The following PARD3 variants were observed in gnomAD, a reference collection of about 807,000 sequenced individuals.
PARD3 encodes the protein partitioning defective 3 homolog.
PARD3 carries 75 observed loss-of-function variants against 155.4 expected under a neutral mutation model. The observed-to-expected ratio is 0.48, with a 90% confidence interval of 0.40 to 0.58. The LOEUF is 0.58. PARD3 is among the 20% of genes least tolerant of loss of function. PARD3 has a pLI of 0.00. For synonymous variants in PARD3, 576 were observed against 610.5 expected (o/e 0.94, Z 0.83); for missense variants, 1,642 against 1,721.7 (o/e 0.95, Z 0.82).
intron 2 of PARD3, among the ~76,000 whole-genome samples, chr10:34,603,925 T>C (rs1456760590): frequency 6.6e-6 from 1 of 151,992 alleles, no homozygotes; most frequent in Non-Finnish European, 1.5e-5. Flanking sequence ...CATAACCAGA[T>C]CCTGGAGTAA....
chr10:34,725,133 G>A (rs936416277), intron 1 of PARD3, among the ~76,000 whole-genome samples: 1 of 126,218 alleles, frequency 7.9e-6, no homozygotes, highest in Admixed American at 8.5e-5. Context: ...GTGTGTGTGT[G>A]TGTGTGTGTG....
intron 22 of PARD3, among the ~76,000 whole-genome samples, chr10:34,151,603 C>T (rs1049938109): frequency 3.3e-5 from 5 of 152,172 alleles, no homozygotes; most frequent in African/African-American, 1.2e-4. Flanking sequence ...ATAAACGACA[C>T]ATTGTTCACA....
intron 22 of PARD3, among the ~76,000 whole-genome samples, chr10:34,197,089 C>A (rs903217351): frequency 1.3e-5 from 2 of 152,138 alleles, no homozygotes; most frequent in Non-Finnish European, 2.9e-5. Flanking sequence ...CAGCTCAAAA[C>A]CAAGTTAAAT....
In PARD3 at chr10:34,131,601, C is replaced by T. The variant is rs2132776726; in HGVS notation, c.3420-18G>A. ...ATCTGTTACTGAAAGAGAGATGAGG[C>T]AGCAGTGAATACCCTTCAGAAATAT... On this transcript the variant is annotated intron_variant, in intron 22 of 24. Coordinates refer to ENST00000374788, the MANE Select transcript of PARD3 (RefSeq NM_001184785.2). The T allele has an allele frequency of 6.2e-7, 1 of 1,612,334 alleles. No homozygotes were observed. The highest frequency in any genetic ancestry group is 2.2e-5 in the East Asian group (1 of 44,846).
chr10:34,687,988 C>T (rs769403961), intron 2 of PARD3, among the ~76,000 whole-genome samples: 6 of 149,680 alleles, frequency 4.0e-5, no homozygotes, highest in Non-Finnish European at 8.9e-5. Flanking sequence ...TTGAGTAGCT[C>T]AGACTACAGG....
chr10:34,514,497 C>T (rs1223261892), intron 3 of PARD3, among the ~76,000 whole-genome samples: 3 of 152,174 alleles, frequency 2.0e-5, no homozygotes, highest in African/African-American at 7.2e-5. Context: ...TGACAGGTGA[C>T]TCATGTGTGA....
At chr10:34,312,198 A>C in intron 20 of PARD3, 1 of 1,393,386 alleles carries the variant, frequency 7.2e-7, no homozygotes, top group Non-Finnish European at 9.7e-7. Context: ...TGGATTAATA[A>C]GGAAATTACT....
rs147075268 is a variant in PARD3, at chr10:34,143,241, G to T, written c.3420-11658C>A. Among the ~76,000 whole-genome samples, 847 of 152,264 alleles carry T rather than the reference G, an allele frequency of 5.6e-3. 7 individuals carry two copies. The highest frequency in any genetic ancestry group is 0.019 in the African/African-American group (775 of 41,542). On this transcript the variant is annotated intron_variant, in intron 22 of 24. Transcript: ENST00000374788. Reference sequence around the variant, plus strand: ...AAGCTGAATCGCTTGAACCCAGGAGGTGGAGGTTGCAGTGACCTGAGATCG... The same window carrying T: ...AAGCTGAATCGCTTGAACCCAGGAGTTGGAGGTTGCAGTGACCTGAGATCG...
intron 2 of PARD3, among the ~76,000 whole-genome samples, chr10:34,593,393 T>A (rs903885328): frequency 6.6e-6 from 1 of 152,204 alleles, no homozygotes; most frequent in Non-Finnish European, 1.5e-5. Flanking sequence ...AAGCAATGTA[T>A]AAGTTCCATG....
chr10:34,779,489 C>T (rs1263664334), intron 1 of PARD3, among the ~76,000 whole-genome samples: 4 of 150,328 alleles, frequency 2.7e-5, no homozygotes, highest in East Asian at 2.0e-4. Context: ...GGCATGGTGG[C>T]GGGCTCCTGT....
At chr10:34,485,522 G>A (rs2079393435) in intron 3 of PARD3, among the ~76,000 whole-genome samples, 3 of 152,108 alleles carry the variant, frequency 2.0e-5, no homozygotes, top group Admixed American at 6.6e-5. Flanking sequence ...AGTTTGGAAA[G>A]GTAGGACAAT....
chr10:34,180,275 C>A (rs1564460036), intron 22 of PARD3, among the ~76,000 whole-genome samples: 1 of 152,134 alleles, frequency 6.6e-6, no homozygotes, highest in Non-Finnish European at 1.5e-5. Flanking sequence ...TCGGTCTCCT[C>A]ACCTCATGAT....
At position 34,372,380 on chromosome 10, in the gene PARD3, T is replaced by C. The variant is rs942722269; in HGVS notation, c.1707+118A>G. ...CACTTTGGCATTTAATAAACCCATG[T>C]ATTAAATATTACGAGCCAGGAAAAG... is the stretch of plus-strand genomic sequence containing the variant. On this transcript the variant is annotated intron_variant, in intron 12 of 24. Transcript: ENST00000374788. 7 of 782,990 alleles carry C rather than the reference T, an allele frequency of 8.9e-6. No homozygotes were observed. The African/African-American group carries it at 1.0e-4, about 12-fold the overall frequency. 48.5% of individuals were successfully genotyped at this position (782,990 alleles called of 1,614,324 possible). A position where few individuals can be genotyped will look rare whatever the true frequency, so the allele number is the denominator to read the frequency against.
intron 1 of PARD3, among the ~76,000 whole-genome samples, chr10:34,739,732 A>G (rs2094974993): frequency 6.6e-6 from 1 of 152,192 alleles, no homozygotes; most frequent in Non-Finnish European, 1.5e-5. Flanking sequence ...AATGCATCCT[A>G]AACTACTGAG....
intron 22 of PARD3, among the ~76,000 whole-genome samples, chr10:34,154,738 T>TC (rs1948926985): frequency 6.6e-6 from 1 of 152,042 alleles, no homozygotes; most frequent in African/African-American, 2.4e-5. Context: ...TCCCTTCCCC[T>TC]CCCCTGCAAC....
chr10:34,711,672 A>G (rs187246436), intron 1 of PARD3, among the ~76,000 whole-genome samples: 10 of 152,330 alleles, frequency 6.6e-5, no homozygotes, highest in East Asian at 5.8e-4. Context: ...ACTGTGTTGC[A>G]TAACTAGTGT....
intron 24 of PARD3, among the ~76,000 whole-genome samples, chr10:34,116,695 C>T (rs1017265487): frequency 6.6e-6 from 1 of 152,234 alleles, no homozygotes; most frequent in Non-Finnish European, 1.5e-5. Flanking sequence ...GCCTCCGCTG[C>T]CCAAACTTAC....
At chr10:34,747,728 C>T (rs924419415) in intron 1 of PARD3, among the ~76,000 whole-genome samples, 3 of 152,152 alleles carry the variant, frequency 2.0e-5, no homozygotes, top group East Asian at 3.8e-4. Context: ...TGACTAACAA[C>T]GATTTAAAAG....
At chr10:34,729,728 A>T (rs371742277) in intron 1 of PARD3, among the ~76,000 whole-genome samples, 2 of 152,170 alleles carry the variant, frequency 1.3e-5, no homozygotes, top group Middle Eastern at 3.2e-3. Context: ...TCCACTAAGG[A>T]AATTACACAC....
Sources: gnomAD v4.1 joint callset for allele counts (sites outside exome capture counted in the v4.1 genomes callset) on GRCh38, gnomAD v4.1.1 for gene constraint, MANE v1.5 for transcripts, NCBI Gene and HGNC (gene_info 2026-07-23, HGNC 2026-07-21) for gene names.